The following DROSHA variants were observed in gnomAD, a reference collection of about 807,000 sequenced individuals.
DROSHA encodes ribonuclease 3.
Under a neutral mutation model 181.9 loss-of-function variants are expected in DROSHA, and 56 were observed. The ratio of observed to expected loss-of-function variants is 0.31; its 90% CI spans 0.25 to 0.38. The LOEUF is 0.38. Among genes scored for constraint, DROSHA ranks in the 10% least tolerant of loss-of-function variants. The probability of loss-of-function intolerance (pLI) is 1.00; values close to 1 mark genes in which losing one functional copy is unlikely to be tolerated. For synonymous variants in DROSHA, 524 were observed against 591.2 expected (o/e 0.89, Z 1.65); for missense variants, 1,218 against 1,743.5 (o/e 0.70, Z 5.37).
chr5:31,424,541 T>C (rs1224821200), intron 27 of DROSHA, 70 bp from the exon 28 acceptor site: 17 of 1,488,044 alleles, frequency 1.1e-5, no homozygotes, highest in African/African-American at 1.4e-5. Flanking sequence ...CTAAATAAAA[T>C]GTCATTATTT....
At chr5:31,518,712 A>T (rs78555486) in intron 6 of DROSHA, among the ~76,000 whole-genome samples, 5,838 of 152,316 alleles carry the variant, frequency 0.038, 386 homozygotes, top group African/African-American at 0.13. Flanking sequence ...TCCCCTACAA[A>T]GGAGGCAACA....
chr5:31,493,196 C>T lies in DROSHA; in HGVS notation c.1842+11G>A. ...AGGAAAGAGAAAAGCAGCCAACTGG[C>T]ACATACTTACATTGGTCAGGGGGGC... On this transcript the variant is annotated intron_variant, in intron 13 of 35. Transcript: ENST00000344624. The T allele has an allele frequency of 6.2e-7, 1 of 1,600,124 alleles. No homozygotes were observed. Among genetic ancestry groups the T allele is most frequent in the Non-Finnish European group, 8.5e-7 (1 of 1,174,234 alleles).
At chr5:31,482,314 T>C (rs1409056496) in intron 16 of DROSHA, among the ~76,000 whole-genome samples, 1 of 152,026 alleles carries the variant, frequency 6.6e-6, no homozygotes, top group African/African-American at 2.4e-5. Context: ...ATGATGGCCA[T>C]ACAGGCAGCT....
chr5:31,514,902 A>G lies in DROSHA; in HGVS notation c.1290+86T>C, dbSNP rs974199479. 2 of 1,298,354 alleles carry G rather than the reference A, an allele frequency of 1.5e-6. No individual in the cohort carries two copies. The highest frequency in any genetic ancestry group is 3.9e-5 in the Admixed American group (2 of 50,662). The allele number at this position is 1,298,354 out of a possible 1,614,324, so 80.4% of individuals were successfully genotyped here. On this transcript the variant is annotated intron_variant, in intron 8 of 35. Transcript: ENST00000344624. The surrounding 1 kb of genome is among the most constrained non-coding windows in gnomAD (Gnocchi z 4.4). ...CTACAATGCATAGGGCAGTCCCCAC[A>G]ATCAAGAATTTATCCAGCCCCAAAG...
intron 25 of DROSHA, among the ~76,000 whole-genome samples, chr5:31,434,912 T>C (rs955875658): frequency 6.6e-6 from 1 of 152,232 alleles, no homozygotes; most frequent in Non-Finnish European, 1.5e-5. Context: ...TACAAAATTA[T>C]TAACATCTTT....
Position 31,422,673 on chromosome 5 carries a change from A to T in DROSHA, c.3419+114T>A, listed in dbSNP as rs1438363323. The T allele has an allele frequency of 2.2e-6, 3 of 1,344,070 alleles. No individual in the cohort carries two copies. In the African/African-American group the frequency reaches 4.4e-5, roughly 20 times the overall value. The allele number at this position is 1,344,070 out of a possible 1,614,324, so 83.3% of individuals were successfully genotyped here. On this transcript the variant is annotated intron_variant, in intron 29 of 35. Coordinates refer to ENST00000344624, the MANE Select transcript of DROSHA (RefSeq NM_001382508.1). ...GTCTGCTCACCCATCTCACAATGTG[A>T]CTTTCCTGGAAATATATTTGAAATC...
chr5:31,508,538 G>A (rs1231445717), intron 10 of DROSHA, 83 bp downstream of exon 10: 3 of 1,579,938 alleles, frequency 1.9e-6, no homozygotes, highest in Admixed American at 3.4e-5. Flanking sequence ...TCAATACTAG[G>A]CAACATGTAT....
intron 19 of DROSHA, 103 bp downstream of exon 19, chr5:31,466,078 AT>A: frequency 8.5e-7 from 1 of 1,178,538 alleles, no homozygotes; most frequent in Non-Finnish European, 1.2e-6. Context: ...TTTTAAAAAA[AT>A]ATTTTTCCAT....
chr5:31,401,342 T>G lies in DROSHA; in HGVS notation c.*90A>C, dbSNP rs1739973926. 6.5e-7 allele frequency: 1 copy of G among 1,540,320 alleles called. No homozygotes were observed. The highest frequency in any genetic ancestry group is 1.4e-5 in the African/African-American group (1 of 73,044). On this transcript the variant is annotated 3_prime_UTR_variant, in exon 36 of 36. Coordinates refer to ENST00000344624, the MANE Select transcript of DROSHA (RefSeq NM_001382508.1). ...TTTTATTTCAATGAGCACACTTCAT[T>G]CATTGTCTGCAGGAAAACTAGGCTA...
rs1222049728 is a variant in DROSHA at position 31,521,142 on chromosome 5, C to CT, written c.927dup (p.Glu310ArgfsTer3). On this transcript the variant is annotated frameshift_variant, in exon 6 of 36. Coordinates refer to ENST00000344624, the MANE Select transcript of DROSHA (RefSeq NM_001382508.1). LOFTEE classifies it high-confidence loss of function. Reference sequence around the variant, plus strand: ...GCTTACCTTCCAGATCTCTTATACTCTTTTTTGTAGGACCTTTCCAGAGAT... The same window carrying CT: ...GCTTACCTTCCAGATCTCTTATACTCTTTTTTTGTAGGACCTTTCCAGAGAT... 1.9e-6 allele frequency: 3 copies of CT among 1,613,624 alleles called. No individual in the cohort carries two copies. Among genetic ancestry groups the CT allele is most frequent in the Non-Finnish European group, 2.5e-6 (3 of 1,179,634 alleles).
intron 25 of DROSHA, among the ~76,000 whole-genome samples, chr5:31,432,414 G>A (rs1744287981): frequency 6.6e-6 from 1 of 152,156 alleles, no homozygotes; most frequent in Non-Finnish European, 1.5e-5. Context: ...TTACAGGTGT[G>A]AGCCACCACG....
chr5:31,406,547 TAC>T (rs990661816), intron 34 of DROSHA, among the ~76,000 whole-genome samples: 1 of 152,108 alleles, frequency 6.6e-6, no homozygotes, highest in Non-Finnish European at 1.5e-5. Flanking sequence ...TGACACATCT[TAC>T]ACACACAGCT....
intron 20 of DROSHA, among the ~76,000 whole-genome samples, chr5:31,456,463 TACACACACACACAC>T (rs35756228): frequency 5.5e-5 from 8 of 146,538 alleles, no homozygotes; most frequent in Non-Finnish European, 1.2e-4. Context: ...GACAACAAGA[TACACACACACACAC>T]ACACACACAC....
chr5:31,418,082 C>T (rs1742166859), intron 30 of DROSHA, among the ~76,000 whole-genome samples: 1 of 152,134 alleles, frequency 6.6e-6, no homozygotes, highest in Non-Finnish European at 1.5e-5. Flanking sequence ...GCAGCCCACT[C>T]CTCTCACGGG....
At chr5:31,447,065 A>G (rs1746399303) in intron 23 of DROSHA, among the ~76,000 whole-genome samples, 1 of 152,150 alleles carries the variant, frequency 6.6e-6, no homozygotes, top group Admixed American at 6.5e-5. Context: ...GTACTTACAC[A>G]CCATGGAATA....
At chr5:31,508,411 C>T (rs1402668165) in intron 10 of DROSHA, among the ~76,000 whole-genome samples, 2 of 152,152 alleles carry the variant, frequency 1.3e-5, no homozygotes, top group Non-Finnish European at 2.9e-5. Flanking sequence ...ATGGAATTTA[C>T]AAACATCATC....
At position 31,499,553 on chromosome 5, in the gene DROSHA, G is replaced by A. The variant is rs531702171; in HGVS notation, c.1669-4181C>T. 6.7e-5 allele frequency among the ~76,000 whole-genome samples: 10 copies of A among 150,290 alleles called. No homozygotes were observed. In the South Asian group the frequency reaches 2.1e-3, roughly 31 times the overall value. The stretch of plus-strand genomic sequence containing the variant: ...CCGGAAGCAAGCCAAACACCCAGGT[G>A]TTTAAGACTGTGGAGAAAATGATAG... On this transcript the variant is annotated intron_variant, in intron 11 of 35. Coordinates refer to ENST00000344624, the MANE Select transcript of DROSHA (RefSeq NM_001382508.1).
intron 5 of DROSHA, among the ~76,000 whole-genome samples, chr5:31,523,141 T>G (rs1037189960): frequency 6.6e-6 from 1 of 152,234 alleles, no homozygotes; most frequent in East Asian, 1.9e-4. Context: ...TAGGACTTCA[T>G]GTGCTCCATG....
intron 16 of DROSHA, among the ~76,000 whole-genome samples, chr5:31,481,098 G>GT (rs150587149): frequency 4.6e-5 from 7 of 150,964 alleles, no homozygotes; most frequent in Admixed American, 2.0e-4. Flanking sequence ...ATATCAAAAT[G>GT]TTTTTTTTTA....
Sources: allele counts gnomAD v4.1 joint callset (sites outside exome capture counted in the v4.1 genomes callset), GRCh38; gene constraint gnomAD v4.1.1; non-coding constraint Gnocchi (gnomAD v3.1); transcripts MANE v1.5; gene names NCBI Gene and HGNC (gene_info 2026-07-23, HGNC 2026-07-21).